Variants in VIPR1 observed in about 807,000 individuals in gnomAD.
VIPR1 encodes vasoactive intestinal polypeptide receptor 1.
Under a neutral mutation model 58.8 loss-of-function variants are expected in VIPR1, and 59 were observed. The observed-to-expected ratio is 1.00, with a 90% CI of 0.81 to 1.25. VIPR1 has a LOEUF of 1.25. Among genes scored for constraint, VIPR1 ranks in the 50% most tolerant of loss-of-function variants. The probability of loss-of-function intolerance (pLI) is 0.00; values close to 1 mark genes in which losing one functional copy is unlikely to be tolerated. For synonymous variants in VIPR1, 251 were observed against 242.1 expected, an observed-to-expected ratio of 1.04 and a Z score of -0.34; for missense variants, 626 against 602.7, an observed-to-expected ratio of 1.04 and a Z score of -0.40.
intron 8 of VIPR1, 82 bp from the exon 9 acceptor site, chr3:42,531,721 C>G: frequency 5.0e-6 from 8 of 1,589,924 alleles, no homozygotes; most frequent in Non-Finnish European, 6.9e-6. Flanking sequence ...AGGAGCAGAG[C>G]TGGGGACAAC....
chr3:42,521,402 G>A (rs548785931), intron 3 of VIPR1: 1 of 152,298 alleles, frequency 6.6e-6, no homozygotes, highest in East Asian at 1.9e-4. Context: ...ATAAGAGACT[G>A]CGATTAGGGA....
At chr3:42,514,723 G>A (rs1700540153) in intron 2 of VIPR1, among the ~76,000 whole-genome samples, 1 of 152,050 alleles carries the variant, frequency 6.6e-6, no homozygotes, top group Non-Finnish European at 1.5e-5. Flanking sequence ...GAGCACATGA[G>A]GGCCCCAGCC....
Position 42,530,766 on chromosome 3 carries a change from C to T in VIPR1, c.637-13C>T. 6.2e-7 allele frequency: 1 copy of T among 1,613,130 alleles called. No individual in the cohort carries two copies. The highest frequency in any genetic ancestry group is 1.7e-5 in the Admixed American group (1 of 59,978). On this transcript the variant is annotated splice_polypyrimidine_tract_variant and intron_variant, in intron 6 of 12. Transcript: ENST00000325123. ...AGCCCCAGTGAACCCCGTCTTTTCT[C>T]CTCCCCCTGCAGGTGGGCTGTAAGG...
chr3:42,505,106 A>T (rs994412323), intron 1 of VIPR1, among the ~76,000 whole-genome samples: 2 of 151,944 alleles, frequency 1.3e-5, no homozygotes, highest in Non-Finnish European at 2.9e-5. Flanking sequence ...CCTCGTGGGA[A>T]ATTCTCTATC....
intron 3 of VIPR1, among the ~76,000 whole-genome samples, chr3:42,523,097 T>G (rs1313731587): frequency 3.0e-5 from 4 of 132,606 alleles, no homozygotes; most frequent in South Asian, 2.4e-4. Context: ...CCGCCCCCAG[T>G]GGAGTGTCCT....
At position 42,537,006 on chromosome 3, in the gene VIPR1, T is replaced by G. The variant is rs1701895833; in HGVS notation, c.*725T>G. The G allele has an allele frequency of 6.6e-6, 1 of 152,228 alleles. No homozygotes were observed. The highest frequency in any genetic ancestry group is 1.5e-5 in the Non-Finnish European group (1 of 68,066). 9.4% of individuals were successfully genotyped at this position (152,228 alleles called of 1,614,324 possible). A position where few individuals can be genotyped will look rare whatever the true frequency, so the allele number is the denominator to read the frequency against. ...AAATGAGAAGGCAGCCACCAGCGAA[T>G]GCTAGGTCTCGGACTAAGCCTACCT... On this transcript the variant is annotated 3_prime_UTR_variant, in exon 13 of 13. Coordinates refer to ENST00000325123, the MANE Select transcript of VIPR1 (RefSeq NM_004624.4).
In VIPR1 at chr3:42,502,917, G is replaced by A. The variant is rs528717313; in HGVS notation, c.78+104G>A. The A allele has an allele frequency of 5.1e-4, 472 of 926,896 alleles. 4 individuals are homozygous for A. The African/African-American group carries it at 7.2e-3, about 14-fold the overall frequency. The allele number at this position is 926,896 out of a possible 1,614,324, so 57.4% of individuals were successfully genotyped here. A position where few individuals can be genotyped will look rare whatever the true frequency, so the allele number is the denominator to read the frequency against. ...CCGGGCCGTCTGTGCGCGTGTCTGT[G>A]TAAGAGGAATAGGGGACATCAAGCA... On this transcript the variant is annotated intron_variant, in intron 1 of 12. Coordinates refer to ENST00000325123, the MANE Select transcript of VIPR1 (RefSeq NM_004624.4).
At chr3:42,530,670 G>A (rs1456998672) in intron 6 of VIPR1, 109 bp from the exon 7 acceptor site, 3 of 1,310,054 alleles carry the variant, frequency 2.3e-6, no homozygotes, top group Admixed American at 2.2e-5. Context: ...ACAACAAAGA[G>A]ATTAAGTTGG....
chr3:42,507,182 A>G (rs1230314321), intron 1 of VIPR1: 1 of 152,252 alleles, frequency 6.6e-6, no homozygotes, highest in African/African-American at 2.4e-5. Flanking sequence ...TCTAATATTC[A>G]AATATCCCCA....
intron 6 of VIPR1, among the ~76,000 whole-genome samples, chr3:42,528,900 T>C (rs998481590): frequency 3.9e-5 from 6 of 152,178 alleles, no homozygotes; most frequent in African/African-American, 1.4e-4. Flanking sequence ...GAAATGATCA[T>C]ACTGGAATCT....
rs1701861096 is a variant in VIPR1, at chr3:42,536,542, T to C, written c.*261T>C. The C allele has an allele frequency of 9.8e-6, 4 of 409,894 alleles. No homozygotes were observed. In the South Asian group the frequency reaches 2.6e-4, roughly 26 times the overall value. The allele number at this position is 409,894 out of a possible 1,614,324, so 25.4% of individuals were successfully genotyped here. ...TGGAACTCAGTCATTAGACTCCTCC[T>C]CCAAAGGCCCCCTACGCCAATCAAG... On this transcript the variant is annotated 3_prime_UTR_variant, in exon 13 of 13. Coordinates refer to ENST00000325123, the MANE Select transcript of VIPR1 (RefSeq NM_004624.4).
intron 10 of VIPR1, 73 bp from the exon 11 acceptor site, chr3:42,534,902 C>T: frequency 1.3e-6 from 2 of 1,570,868 alleles, no homozygotes; most frequent in Non-Finnish European, 1.7e-6. Context: ...CTCCAGCTGC[C>T]CCCATGCCAC....
Position 42,518,606 on chromosome 3 carries a change from G to T in VIPR1, c.185-617G>T, listed in dbSNP as rs1180935854. On this transcript the variant is annotated intron_variant, in intron 2 of 12. Transcript: ENST00000325123. ...ATACAAAAATTAGCCGGGCGTGGCG[G>T]CATGGGCCTATAGTCCCAGCTACTC... 2.6e-5 allele frequency among the ~76,000 whole-genome samples: 4 copies of T among 152,210 alleles called. No homozygotes were observed. The East Asian group carries it at 7.7e-4, about 29-fold the overall frequency.
rs1335131265 is a variant in VIPR1, at chr3:42,527,448, T to C, written c.455T>C (p.Leu152Pro). The C allele has an allele frequency of 1.8e-5, 29 of 1,613,770 alleles. No individual in the cohort carries two copies. Among genetic ancestry groups the C allele is most frequent in the Non-Finnish European group, 2.3e-5 (27 of 1,179,968 alleles). ...VKTGYTIGYGLSLATLLVATA... is the reference protein window; with the variant it reads ...VKTGYTIGYGPSLATLLVATA... ...ACCGGCTACACCATTGGCTACGGCCTGTCCCTCGCCACCCTTCTGGTCGCC... is the reference window on the plus strand; with the variant it reads ...ACCGGCTACACCATTGGCTACGGCCCGTCCCTCGCCACCCTTCTGGTCGCC... Residue 152 changes from leucine (L) to proline (P), a missense_variant, in exon 5 of 13, where the codon CTG (leucine) becomes CCG (proline). Physicochemically the swap from Leu to Pro is moderately conservative, Grantham distance 98. Coordinates refer to ENST00000325123, the MANE Select transcript of VIPR1 (RefSeq NM_004624.4).
rs200621312 is a variant in VIPR1 at position 42,530,897 on chromosome 3, G to A, written c.755G>A (p.Arg252Gln). ...CTTGCCGTCTCCTTCTTCTCTGAGC[G>A]GAAGTACTTCTGGGGGTACATACTC... ...TLLAVSFFSE[R>Q]KYFWGYILIG... The change falls in exon 7 of 13, where the codon CGG (arginine) becomes CAG (glutamine). Residue 252 changes from arginine (R) to glutamine (Q), a missense_variant. By Grantham distance (43) the Arg-to-Gln change is conservative. Transcript: ENST00000325123. 7.0e-5 allele frequency: 113 copies of A among 1,613,906 alleles called. No individual in the cohort carries two copies. Among genetic ancestry groups the A allele is most frequent in the South Asian group, 1.4e-4 (13 of 91,076 alleles).
rs149325699 is a variant in VIPR1, at chr3:42,490,711, G to A, written c.-245+1033G>A. On this transcript the variant is annotated intron_variant, in intron 1 of 13. Coordinates refer to the VIPR1 transcript ENST00000433647. ...TATGAAGAAGAGTAGAGAGTAAAGA[G>A]GTTTAGGAGTTGGGGGGAAGGGAGC... 3.4e-4 allele frequency among the ~76,000 whole-genome samples: 51 copies of A among 152,176 alleles called. No individual in the cohort carries two copies. In the East Asian group the frequency reaches 9.5e-3, roughly 28 times the overall value.
chr3:42,531,917 G>A, intron 9 of VIPR1, 48 bp downstream of exon 9: 1 of 1,609,598 alleles, frequency 6.2e-7, no homozygotes, highest in Non-Finnish European at 8.5e-7. Flanking sequence ...GGCCCAAAGG[G>A]CAGGCAACTT....
At chr3:42,525,213 G>A (rs992175942) in intron 3 of VIPR1, among the ~76,000 whole-genome samples, 5 of 152,066 alleles carry the variant, frequency 3.3e-5, no homozygotes, top group East Asian at 2.0e-4. Flanking sequence ...CCCCCTAAGC[G>A]GTCCTGTCTC....
chr3:42,526,140 C>A (rs1017550766), intron 4 of VIPR1, 147 bp downstream of exon 4: 1 of 775,914 alleles, frequency 1.3e-6, no homozygotes, highest in African/African-American at 1.7e-5. Context: ...TCCAGGCCTG[C>A]CTTTCTGGGG....
Sources: allele counts gnomAD v4.1 joint callset (sites outside exome capture counted in the v4.1 genomes callset), GRCh38; gene constraint gnomAD v4.1.1; transcripts MANE v1.5; gene names NCBI Gene and HGNC (gene_info 2026-07-23, HGNC 2026-07-21).